Variants in ITGAX observed in about 807,000 individuals in gnomAD.
The protein encoded by ITGAX is integrin subunit alpha X.
Under a neutral mutation model 140.2 loss-of-function variants are expected in ITGAX, and 99 were observed. The observed-to-expected ratio is 0.71, with a 90% CI of 0.60 to 0.83. The LOEUF is 0.83. Ranked by LOEUF, ITGAX falls within the 40% of genes least tolerant of loss-of-function variation. The pLI, the probability that ITGAX is intolerant of heterozygous loss-of-function variation, is 0.00. For missense variants in ITGAX, 1,444 were observed against 1,482.0 expected, an observed-to-expected ratio of 0.97 and a Z score of 0.42; for synonymous variants, 631 against 600.4, an observed-to-expected ratio of 1.05 and a Z score of -0.75.
At chr16:31,371,283 G>A (rs1232523762) in intron 15 of ITGAX, 51 bp from the exon 16 acceptor site, 1 of 1,608,958 alleles carries the variant, frequency 6.2e-7, no homozygotes, top group African/African-American at 1.3e-5. Flanking sequence ...CACCCCACGT[G>A]GTGCTCCCAG....
At chr16:31,364,055 AC>A (rs2080866514) in intron 14 of ITGAX, among the ~76,000 whole-genome samples, 1 of 151,866 alleles carries the variant, frequency 6.6e-6, no homozygotes, top group Admixed American at 6.6e-5. Flanking sequence ...GCCGCCCTCC[AC>A]CCCAAGGGAG....
rs766275500 is a variant in ITGAX at position 31,380,643 on chromosome 16, G to C, written c.3276+19G>C. On this transcript the variant is annotated intron_variant, in intron 28 of 29. Coordinates refer to ENST00000268296, the MANE Select transcript of ITGAX (RefSeq NM_000887.5). ...AGCTCAGGTAGAGACCATGTGGAGG[G>C]CAGCGACCAGGCTGGAAAGAGGGCC... 3.2e-5 allele frequency: 52 copies of C among 1,613,812 alleles called. No homozygotes were observed. The highest frequency in any genetic ancestry group is 4.0e-5 in the Non-Finnish European group (47 of 1,179,792).
At position 31,373,368 on chromosome 16, in the gene ITGAX, A is replaced by G. The variant is rs1174310456; in HGVS notation, c.2486A>G (p.Tyr829Cys). ...ITFSHPAGLS[Y>C]RYVAEGQKQG... Reference sequence around the variant, plus strand: ...TTCTCCCACCCCGCAGGACTGTCCTACCGCTACGTGGCAGAGGGCCAGGTG... The same window carrying G: ...TTCTCCCACCCCGCAGGACTGTCCTGCCGCTACGTGGCAGAGGGCCAGGTG... The change falls in exon 20 of 30, where the codon TAC becomes TGC. Residue 829 changes from tyrosine to cysteine, a missense_variant. By Grantham distance (194) the Tyr-to-Cys change is radical. Coordinates refer to ENST00000268296, the MANE Select transcript of ITGAX (RefSeq NM_000887.5). The G allele has an allele frequency of 6.2e-7, 1 of 1,612,532 alleles. No individual in the cohort carries two copies. Among genetic ancestry groups the G allele is most frequent in the South Asian group, 1.1e-5 (1 of 90,872 alleles).
chr16:31,376,933 C>A lies in ITGAX; in HGVS notation c.2625+18C>A, dbSNP rs766931249. On this transcript the variant is annotated intron_variant, in intron 21 of 29. Transcript: ENST00000268296. ...GCGCCCAGGTCAGCCTGGCTTCTGTCCCCTCACTGCTCCCCTGCCCCACCC... is the reference window on the plus strand; with the variant it reads ...GCGCCCAGGTCAGCCTGGCTTCTGTACCCTCACTGCTCCCCTGCCCCACCC... 1 of 1,613,760 alleles carries A rather than the reference C, an allele frequency of 6.2e-7. No homozygotes were observed. The highest frequency in any genetic ancestry group is 1.1e-5 in the South Asian group (1 of 91,084).
chr16:31,380,319 C>T lies in ITGAX; in HGVS notation c.3114C>T (p.Ser1038=), dbSNP rs373900500. ...TCCGCTGTGACGTCCCCTCCTTCAG[C>T]GTCCAGGAGGAGCTGGATTTCACCC... ...LRFRCDVPSF[S]VQEELDFTLK... is the part of the protein sequence containing the mutation. Residue 1038 remains serine (S), a synonymous_variant, in exon 27 of 30, where the codon AGC becomes AGT. Coordinates refer to ENST00000268296, the MANE Select transcript of ITGAX (RefSeq NM_000887.5). 21 of 1,614,254 alleles carry T rather than the reference C, an allele frequency of 1.3e-5. No homozygotes were observed. Among genetic ancestry groups the T allele is most frequent in the South Asian group, 2.2e-5 (2 of 91,086 alleles).
intron 20 of ITGAX, 138 bp from the exon 21 acceptor site, chr16:31,376,661 G>T: frequency 1.4e-6 from 1 of 717,632 alleles, no homozygotes; most frequent in Non-Finnish European, 2.3e-6. Context: ...TAAGCTTAAG[G>T]TGGGCTCCAG....
In ITGAX at chr16:31,373,534, G is replaced by A. The variant is rs79799053; in HGVS notation, c.2508+144G>A. On this transcript the variant is annotated intron_variant, in intron 20 of 29. Transcript: ENST00000268296. ...GTGTGGGTGTTCAACTTTGGGCATC[G>A]CAGTTTAAGGACACTGACTATCAGG... 1.0e-2 allele frequency: 7,654 copies of A among 767,150 alleles called. 412 individuals are homozygous for A. The African/African-American group carries it at 0.12, about 12-fold the overall frequency. The allele number at this position is 767,150 out of a possible 1,614,324, so 47.5% of individuals were successfully genotyped here.
chr16:31,366,286 T>C (rs1347162953), intron 14 of ITGAX, among the ~76,000 whole-genome samples: 1 of 152,216 alleles, frequency 6.6e-6, no homozygotes. Context: ...TGATCTTCGA[T>C]GTTGCTATTG....
At chr16:31,362,829 T>C (rs1377378853) in intron 12 of ITGAX, 76 bp downstream of exon 12, 2 of 1,606,122 alleles carry the variant, frequency 1.2e-6, no homozygotes, top group Admixed American at 1.7e-5. Flanking sequence ...ATGGAGGGGC[T>C]TTGAGGGCCT....
Position 31,382,171 on chromosome 16 carries a change from A to G in ITGAX, c.*264A>G. ...TTCTACCTAGAAATACATGGACAAT[A>G]CCCCCAGGCCTCAGTCTCCCTTCTC... is the stretch of plus-strand genomic sequence containing the variant. On this transcript the variant is annotated 3_prime_UTR_variant, in exon 30 of 30. Coordinates refer to ENST00000268296, the MANE Select transcript of ITGAX (RefSeq NM_000887.5). The G allele has an allele frequency of 2.9e-6, 4 of 1,403,128 alleles. No homozygotes were observed. The South Asian group carries it at 5.0e-5, about 18-fold the overall frequency. 86.9% of individuals were successfully genotyped at this position (1,403,128 alleles called of 1,614,324 possible). A position where few individuals can be genotyped will look rare whatever the true frequency, so the allele number is the denominator to read the frequency against.
intron 14 of ITGAX, among the ~76,000 whole-genome samples, chr16:31,370,380 G>A (rs1343094515): frequency 6.6e-6 from 1 of 152,206 alleles, no homozygotes; most frequent in Non-Finnish European, 1.5e-5. Context: ...AGGGGAGGCA[G>A]TGCCTGGGAG....
Position 31,378,303 on chromosome 16 carries a change from G to A in ITGAX, c.2789+1038G>A, listed in dbSNP as rs1303709015. ...CCAACTCTGTGCTGTGTCCCACAGA[G>A]CCCTGGCATCCTACATCCCCACAAA... On this transcript the variant is annotated intron_variant, in intron 23 of 29. Coordinates refer to ENST00000268296, the MANE Select transcript of ITGAX (RefSeq NM_000887.5). 2.6e-5 allele frequency among the ~76,000 whole-genome samples: 4 copies of A among 152,362 alleles called. No individual in the cohort carries two copies. In the East Asian group the frequency reaches 5.8e-4, roughly 22 times the overall value.
intron 20 of ITGAX, among the ~76,000 whole-genome samples, chr16:31,376,401 G>A (rs2081019478): frequency 6.6e-6 from 1 of 152,228 alleles, no homozygotes; most frequent in African/African-American, 2.4e-5. Context: ...TGGGAGGATT[G>A]CTTGAGGCCA....
chr16:31,357,547 G>C (rs753086942), intron 5 of ITGAX, 183 bp downstream of exon 5: 44 of 582,022 alleles, frequency 7.6e-5, no homozygotes, highest in Non-Finnish European at 1.2e-4. Context: ...GCACGCTGCC[G>C]GACCTTTCCT....
intron 3 of ITGAX, 53 bp downstream of exon 3, chr16:31,356,781 T>A (rs983756313): frequency 2.3e-6 from 3 of 1,331,554 alleles, no homozygotes; most frequent in African/African-American, 1.5e-5. Flanking sequence ...GCTTCCCTGC[T>A]CCAGGGGCCC....
intron 19 of ITGAX, 148 bp from the exon 20 acceptor site, chr16:31,373,101 A>G (rs557544473): frequency 6.1e-4 from 293 of 480,286 alleles, no homozygotes; most frequent in South Asian, 5.4e-3. Context: ...TCTTAAAAAA[A>G]AAGAAGAAGA....
At chr16:31,372,770 G>A (rs2080982536) in intron 19 of ITGAX, 100 bp downstream of exon 19, 4 of 1,194,434 alleles carry the variant, frequency 3.3e-6, no homozygotes, top group Non-Finnish European at 4.8e-6. Flanking sequence ...TCATCCTATA[G>A]TCAAAACCCA....
Position 31,379,528 on chromosome 16 carries a change from C to T in ITGAX, c.2790-40C>T, listed in dbSNP as rs200390407. 3.3e-4 allele frequency: 513 copies of T among 1,542,172 alleles called. 1 individual carries two copies. The highest frequency in any genetic ancestry group is 4.4e-4 in the Non-Finnish European group (501 of 1,137,942). On this transcript the variant is annotated intron_variant, in intron 23 of 29. Coordinates refer to ENST00000268296, the MANE Select transcript of ITGAX (RefSeq NM_000887.5). ...TAGCCAATGCCTTCTGCAGATGCCCCATGGTAGTTCACATCCACTTATGCG... is the reference window on the plus strand; with the variant it reads ...TAGCCAATGCCTTCTGCAGATGCCCTATGGTAGTTCACATCCACTTATGCG...
Position 31,381,878 on chromosome 16 carries a change from C to G in ITGAX, c.3463C>G (p.Gln1155Glu), listed in dbSNP as rs1328163568. Residue 1155 changes from glutamine to glutamate, a missense_variant, in exon 30 of 30, where the codon CAG becomes GAG. Physicochemically the swap from Gln to Glu is conservative, Grantham distance 29. Coordinates refer to ENST00000268296, the MANE Select transcript of ITGAX (RefSeq NM_000887.5). ...ACAAATTGCCCCAGAAAACGGGACA[C>G]AGACCCCCAGCCCGCCCAGTGAGAA... ...NGQIAPENGT[Q>E]TPSPPSEK 2.2e-6 allele frequency: 2 copies of G among 889,348 alleles called. No individual in the cohort carries two copies. The highest frequency in any genetic ancestry group is 3.2e-5 in the African/African-American group (2 of 61,552). 55.1% of individuals were successfully genotyped at this position (889,348 alleles called of 1,614,324 possible).
Sources: allele counts gnomAD v4.1 joint callset (sites outside exome capture counted in the v4.1 genomes callset), GRCh38; gene constraint gnomAD v4.1.1; transcripts MANE v1.5; gene names NCBI Gene and HGNC (gene_info 2026-07-23, HGNC 2026-07-21).